The following VLDLR variants were observed in gnomAD, a reference collection of about 807,000 sequenced individuals.
VLDLR encodes very low-density lipoprotein receptor.
Under a neutral mutation model 112.7 loss-of-function variants are expected in VLDLR, and 81 were observed. The observed-to-expected ratio is 0.72, with a 90% CI of 0.60 to 0.86. The LOEUF (loss-of-function observed/expected upper bound fraction) is 0.86, where lower values mean the gene tolerates loss of function less well. Among genes scored for constraint, VLDLR ranks in the 40% least tolerant of loss-of-function variants. VLDLR has a pLI of 0.00. For missense variants in VLDLR, 1,237 were observed against 1,099.4 expected, an observed-to-expected ratio of 1.13 and a Z score of -1.77; for synonymous variants, 436 against 384.8, an observed-to-expected ratio of 1.13 and a Z score of -1.56.
chr9:2,651,845 C>G (rs1385686158), intron 16 of VLDLR, 29 bp from the exon 17 acceptor site: 6 of 1,613,132 alleles, frequency 3.7e-6, no homozygotes, highest in Admixed American at 3.3e-5. Flanking sequence ...ACAGATCCTT[C>G]TAAACTGATT....
At chr9:2,635,961 TAA>T (rs1817586530) in intron 2 of VLDLR, among the ~76,000 whole-genome samples, 1 of 152,188 alleles carries the variant, frequency 6.6e-6, no homozygotes, top group African/African-American at 2.4e-5. Flanking sequence ...GAAAATCCCA[TAA>T]AGTTTCAGGG....
chr9:2,642,965 CTTAT>C (rs950664633), intron 4 of VLDLR, among the ~76,000 whole-genome samples, 191 bp from the exon 5 acceptor site: 2 of 152,212 alleles, frequency 1.3e-5, no homozygotes, highest in African/African-American at 2.4e-5. Context: ...TTCTGTTCTT[CTTAT>C]TTATTGTGTG....
At chr9:2,642,540 T>TGA (rs776933508) in intron 4 of VLDLR, among the ~76,000 whole-genome samples, 1 of 152,196 alleles carries the variant, frequency 6.6e-6, no homozygotes, top group Non-Finnish European at 1.5e-5. Context: ...TGGCAGGAAT[T>TGA]TAAGTCAAAG....
intron 10 of VLDLR, 37 bp from the exon 11 acceptor site, chr9:2,646,297 C>A: frequency 6.2e-7 from 1 of 1,606,412 alleles, no homozygotes; most frequent in South Asian, 1.1e-5. Flanking sequence ...CTAATTGTGT[C>A]AAACTCTTAA....
Position 2,634,577 on chromosome 9 carries a change from A to C in VLDLR, c.83-876A>C, listed in dbSNP as rs1208335707. 3.9e-5 allele frequency among the ~76,000 whole-genome samples: 6 copies of C among 152,262 alleles called. No individual in the cohort carries two copies. The East Asian group carries it at 1.2e-3, about 29-fold the overall frequency. On this transcript the variant is annotated intron_variant, in intron 1 of 18. Transcript: ENST00000382100. Reference sequence around the variant, plus strand: ...ACCAACTGTCCCACTTAGAAGTCTTAGTTCACACCATTGTGTGAATTAAAT... The same window carrying C: ...ACCAACTGTCCCACTTAGAAGTCTTCGTTCACACCATTGTGTGAATTAAAT...
At chr9:2,626,902 G>A (rs1231356477) in intron 1 of VLDLR, among the ~76,000 whole-genome samples, 1 of 152,186 alleles carries the variant, frequency 6.6e-6, no homozygotes, top group Non-Finnish European at 1.5e-5. Context: ...ATTTTCTTAA[G>A]AAAGACTTCC....
intron 1 of VLDLR, among the ~76,000 whole-genome samples, chr9:2,623,702 G>T (rs1460169504): frequency 6.6e-6 from 1 of 152,190 alleles, no homozygotes; most frequent in African/African-American, 2.4e-5. Flanking sequence ...TAAGTGGGCA[G>T]CATGGGCAGT....
At chr9:2,645,423 A>C in intron 9 of VLDLR, 151 bp from the exon 10 acceptor site, 3 of 978,122 alleles carry the variant, frequency 3.1e-6, no homozygotes, top group Non-Finnish European at 1.6e-6. Flanking sequence ...AAGCACTTGC[A>C]GGTCCCAGGG....
At chr9:2,623,355 G>T (rs544943887) in intron 1 of VLDLR, among the ~76,000 whole-genome samples, 9 of 152,382 alleles carry the variant, frequency 5.9e-5, no homozygotes, top group African/African-American at 2.2e-4. Flanking sequence ...GTGATCTTCA[G>T]ATGTGACGCC....
intron 7 of VLDLR, 129 bp downstream of exon 7, chr9:2,644,088 A>G: frequency 7.2e-7 from 1 of 1,387,490 alleles, no homozygotes; most frequent in Non-Finnish European, 1.0e-6. Flanking sequence ...TGTAGACTTC[A>G]GAGTGAAACT....
intron 3 of VLDLR, 44 bp from the exon 4 acceptor site, chr9:2,641,333 T>A: frequency 6.2e-7 from 1 of 1,613,230 alleles, no homozygotes; most frequent in South Asian, 1.1e-5. Context: ...CAGCTTTGCA[T>A]TGATCAGTTC....
At chr9:2,644,881 T>C (rs775131324) in intron 8 of VLDLR, 28 bp downstream of exon 8, 4 of 1,614,168 alleles carry the variant, frequency 2.5e-6, no homozygotes, top group Non-Finnish European at 3.4e-6. Context: ...ACCTGGACCC[T>C]GCAGGTGATG....
At position 2,645,660 on chromosome 9, in the gene VLDLR, C is replaced by T; in HGVS notation, c.1399C>T (p.Gln467Ter). 6.2e-7 allele frequency: 1 copy of T among 1,614,196 alleles called. No individual in the cohort carries two copies. The highest frequency in any genetic ancestry group is 8.5e-7 in the Non-Finnish European group (1 of 1,180,028). Residue 467 changes from glutamine (Q) to a stop codon, truncating the protein, a stop_gained, in exon 10 of 19, where the codon CAG becomes TAG. Transcript: ENST00000382100. LOFTEE classifies it high-confidence loss of function. ...ERKEYIQLVEQLRNTVALDAD... is the reference protein window; with the variant it reads ...ERKEYIQLVE Reference sequence around the variant, plus strand: ...GAAAGAATATATCCAACTAGTTGAACAGCTAAGAAACACTGTGGCTCTCGA... The same window carrying T: ...GAAAGAATATATCCAACTAGTTGAATAGCTAAGAAACACTGTGGCTCTCGA...
At chr9:2,648,107 G>T in intron 12 of VLDLR, 101 bp from the exon 13 acceptor site, 2 of 1,527,940 alleles carry the variant, frequency 1.3e-6, no homozygotes, top group East Asian at 2.3e-5. Flanking sequence ...ACCCTGCTGG[G>T]GAAAGAACCG....
chr9:2,631,711 T>C (rs1473413363), intron 1 of VLDLR, among the ~76,000 whole-genome samples: 1 of 152,006 alleles, frequency 6.6e-6, no homozygotes, highest in Non-Finnish European at 1.5e-5. Flanking sequence ...AATACAAACC[T>C]ACAGTAAGGT....
chr9:2,632,865 C>T (rs1273067415), intron 1 of VLDLR, among the ~76,000 whole-genome samples: 1 of 152,094 alleles, frequency 6.6e-6, no homozygotes, highest in Non-Finnish European at 1.5e-5. Context: ...AACTAGGAAA[C>T]GAAGAGGCAT....
intron 14 of VLDLR, among the ~76,000 whole-genome samples, chr9:2,649,346 A>G (rs1459242901): frequency 1.3e-5 from 2 of 152,000 alleles, no homozygotes; most frequent in African/African-American, 2.4e-5. Context: ...GTCTCTTCAC[A>G]TCATCGTCCC....
intron 11 of VLDLR, among the ~76,000 whole-genome samples, chr9:2,647,099 T>C (rs557375451): frequency 3.9e-5 from 6 of 152,258 alleles, no homozygotes; most frequent in Admixed American, 1.3e-4. Context: ...AGGCTGTAGT[T>C]GTCATCACAA....
Position 2,643,459 on chromosome 9 carries a change from G to A in VLDLR, c.748G>A (p.Glu250Lys), listed in dbSNP as rs1265217910. The A allele has an allele frequency of 3.1e-6, 5 of 1,614,188 alleles. No homozygotes were observed. Among genetic ancestry groups the A allele is most frequent in the East Asian group, 4.5e-5 (2 of 44,878 alleles). Reference sequence around the variant, plus strand: ...CAGCGAAATCCAGTGCGGCTCTGGCGAGTGCATCCATAAGAAGTGGCGATG... The same window carrying A: ...CAGCGAAATCCAGTGCGGCTCTGGCAAGTGCATCCATAAGAAGTGGCGATG... ...PASEIQCGSGECIHKKWRCDG... is the reference protein window; with the variant it reads ...PASEIQCGSGKCIHKKWRCDG... Residue 250 changes from glutamate (E) to lysine (K), a missense_variant, in exon 5 of 19, where the codon GAG (glutamate) becomes AAG (lysine). Physicochemically the swap from Glu to Lys is moderately conservative, Grantham distance 56. Transcript: ENST00000382100.
Sources: allele counts gnomAD v4.1 joint callset (sites outside exome capture counted in the v4.1 genomes callset), GRCh38; gene constraint gnomAD v4.1.1; transcripts MANE v1.5; gene names NCBI Gene and HGNC (gene_info 2026-07-23, HGNC 2026-07-21).